The following KLF12 variants were observed in gnomAD, a reference collection of about 807,000 sequenced individuals.
The protein encoded by KLF12 is KLF transcription factor 12.
KLF12 carries 9 observed loss-of-function variants against 37.8 expected under a neutral mutation model. That is an observed-to-expected ratio of 0.24 (90% CI 0.14 to 0.42). KLF12 has a LOEUF of 0.42. Among genes scored for constraint, KLF12 ranks in the 10% least tolerant of loss-of-function variants. The probability of loss-of-function intolerance (pLI) is 1.00; values close to 1 mark genes in which losing one functional copy is unlikely to be tolerated. For synonymous variants in KLF12, 208 were observed against 202.1 expected, an observed-to-expected ratio of 1.03 and a Z score of -0.25; for missense variants, 411 against 516.0, an observed-to-expected ratio of 0.80 and a Z score of 1.97.
chr13:73,906,955 T>C (rs1316464264), intron 3 of KLF12, among the ~76,000 whole-genome samples: 5 of 152,220 alleles, frequency 3.3e-5, no homozygotes, highest in African/African-American at 9.6e-5. Context: ...GATGTTTATA[T>C]ACATTGGTCC....
chr13:73,912,667 C>T (rs1888628648), intron 3 of KLF12, among the ~76,000 whole-genome samples: 1 of 152,122 alleles, frequency 6.6e-6, no homozygotes, highest in Non-Finnish European at 1.5e-5. Flanking sequence ...GGACTTCCAG[C>T]CTTCAGAACT....
At chr13:74,062,449 T>C (rs866077137) in intron 1 of KLF12, among the ~76,000 whole-genome samples, 1 of 152,244 alleles carries the variant, frequency 6.6e-6, no homozygotes, top group South Asian at 2.1e-4. Flanking sequence ...TATTCATTTA[T>C]GCTTTTCTCT....
At chr13:74,304,385 G>A in the KLF12 span, among the ~76,000 whole-genome samples, 4 of 152,158 alleles carry the variant, frequency 2.6e-5, no homozygotes, top group Non-Finnish European at 4.4e-5. Context: ...TCCCTGTTCA[G>A]AACTTATGAT....
At chr13:73,828,224 C>T (rs1233825087) in intron 4 of KLF12, among the ~76,000 whole-genome samples, 1 of 152,078 alleles carries the variant, frequency 6.6e-6, no homozygotes, top group Non-Finnish European at 1.5e-5. Flanking sequence ...TGCAGACAAG[C>T]TTTTAAGATT....
intron 2 of KLF12, among the ~76,000 whole-genome samples, chr13:73,994,546 T>G (rs1892055571): frequency 6.6e-6 from 1 of 151,684 alleles, no homozygotes. Context: ...ATCCTACTTC[T>G]AGGAGAAAAG....
At chr13:74,181,809 A>G in the KLF12 span, among the ~76,000 whole-genome samples, 14 of 152,014 alleles carry the variant, frequency 9.2e-5, no homozygotes, top group African/African-American at 3.1e-4. Context: ...TATACACTGT[A>G]TATGTATCTT....
chr13:73,902,996 A>G (rs185270947), intron 3 of KLF12, among the ~76,000 whole-genome samples: 24 of 152,352 alleles, frequency 1.6e-4, no homozygotes, highest in African/African-American at 5.5e-4. Flanking sequence ...AATAGGACAC[A>G]GCTGGTTTAT....
rs183119201 is a variant in KLF12 at position 74,133,185 on chromosome 13, C to A, written c.-32+554G>T. Among the ~76,000 whole-genome samples the A allele has an allele frequency of 6.6e-5, 10 of 152,264 alleles. No homozygotes were observed. In the East Asian group the frequency reaches 1.9e-3, roughly 29 times the overall value. On this transcript the variant is annotated intron_variant, in intron 1 of 7. Transcript: ENST00000377669. Reference sequence around the variant, plus strand: ...TGTAGCACCAGGAGCACTATTCATGCCAGCAGTGTCATCTCCGCCTTAACC... The same window carrying A: ...TGTAGCACCAGGAGCACTATTCATGACAGCAGTGTCATCTCCGCCTTAACC...
intron 1 of KLF12, among the ~76,000 whole-genome samples, chr13:74,090,441 C>T (rs543657294): frequency 6.6e-6 from 1 of 152,252 alleles, no homozygotes; most frequent in South Asian, 2.1e-4. Flanking sequence ...ATTGAGGAAT[C>T]TACTCCCAAA....
chr13:74,295,649 T>C, the KLF12 span, among the ~76,000 whole-genome samples: 2 of 152,158 alleles, frequency 1.3e-5, no homozygotes, highest in African/African-American at 4.8e-5. Flanking sequence ...GATTCAAGCA[T>C]TTGTTTAATA....
the KLF12 span, among the ~76,000 whole-genome samples, chr13:74,262,716 A>T: frequency 6.0e-3 from 911 of 152,350 alleles, 35 homozygotes; most frequent in East Asian, 0.11. Flanking sequence ...GAACCCACAG[A>T]TGTAGAGGAT....
At chr13:73,710,382 G>C (rs1397503281) in intron 7 of KLF12, among the ~76,000 whole-genome samples, 414 of 94,436 alleles carry the variant, frequency 4.4e-3, no homozygotes, top group African/African-American at 0.019. Context: ...TATTGTCTGT[G>C]TGTGTGTGTG....
At position 73,986,503 on chromosome 13, in the gene KLF12, T is replaced by TA. The variant is rs1417700064; in HGVS notation, c.33+8486dup. Among the ~76,000 whole-genome samples, 20 of 152,226 alleles carry TA rather than the reference T, an allele frequency of 1.3e-4. 1 individual carries two copies. The highest frequency in any genetic ancestry group is 1.2e-3 in the Admixed American group (19 of 15,288). ...ACATGTACCTGCAATCACAGTCACTTACGTTTTTGAAAACCTGTGGCTGGC... is the reference window on the plus strand; with the variant it reads ...ACATGTACCTGCAATCACAGTCACTTAACGTTTTTGAAAACCTGTGGCTGGC... On this transcript the variant is annotated intron_variant, in intron 2 of 7. Coordinates refer to ENST00000377669, the MANE Select transcript of KLF12 (RefSeq NM_007249.5).
the KLF12 span, among the ~76,000 whole-genome samples, chr13:74,146,449 A>G: frequency 6.6e-6 from 1 of 152,214 alleles, no homozygotes; most frequent in Non-Finnish European, 1.5e-5. Flanking sequence ...AAGACAGTAC[A>G]AAGCTTGAAA....
chr13:73,936,646 A>G (rs2139320181), intron 3 of KLF12, among the ~76,000 whole-genome samples: 1 of 152,228 alleles, frequency 6.6e-6, no homozygotes, highest in South Asian at 2.1e-4. Flanking sequence ...TGCTTAGCTC[A>G]GTGAGACGGC....
chr13:74,225,261 A>G, the KLF12 span, among the ~76,000 whole-genome samples: 5 of 152,034 alleles, frequency 3.3e-5, no homozygotes, highest in African/African-American at 1.2e-4. Context: ...TTCAATTACC[A>G]CCTCTACGAA....
At chr13:73,777,312 G>A (rs1269761403) in intron 5 of KLF12, among the ~76,000 whole-genome samples, 1 of 152,192 alleles carries the variant, frequency 6.6e-6, no homozygotes, top group Admixed American at 6.5e-5. Context: ...CATCCCAGAA[G>A]GTACAATGTC....
intron 6 of KLF12, among the ~76,000 whole-genome samples, chr13:73,759,369 A>C (rs77232598): frequency 0.012 from 1,881 of 152,316 alleles, 30 homozygotes; most frequent in African/African-American, 0.041. Flanking sequence ...TAGTAATTAA[A>C]ATTAAAAAAT....
At chr13:73,995,619 G>A (rs563383179) in intron 1 of KLF12, among the ~76,000 whole-genome samples, 2 of 152,064 alleles carry the variant, frequency 1.3e-5, no homozygotes, top group Non-Finnish European at 2.9e-5. Context: ...TTAAAAAAAT[G>A]ATCTAAATTA....
Sources: gnomAD v4.1 joint callset for allele counts (sites outside exome capture counted in the v4.1 genomes callset) on GRCh38, gnomAD v4.1.1 for gene constraint, MANE v1.5 for transcripts, NCBI Gene and HGNC (gene_info 2026-07-23, HGNC 2026-07-21) for gene names.